ABLIM3: variants seen among roughly 807,000 people sequenced by gnomAD.
ABLIM3 encodes actin binding LIM protein family member 3, also known as actin-binding LIM protein 3.
In ABLIM3, 61 loss-of-function variants were observed where a neutral mutation model predicts 109.5. The observed-to-expected ratio is 0.56, with a 90% CI of 0.45 to 0.69. The LOEUF (loss-of-function observed/expected upper bound fraction) is 0.69. ABLIM3 is among the 30% of genes least tolerant of loss of function. The probability of loss-of-function intolerance (pLI) is 0.00; values close to 1 mark genes in which losing one functional copy is unlikely to be tolerated. For synonymous variants in ABLIM3, 300 were observed against 324.8 expected (o/e 0.92, Z 0.82); for missense variants, 796 against 889.5 (o/e 0.89, Z 1.34).
At chr5:149,239,339 C>T in intron 12 of ABLIM3, 62 bp downstream of exon 12, 1 of 1,555,836 alleles carries the variant, frequency 6.4e-7, no homozygotes, top group Admixed American at 1.7e-5. Context: ...TGGACTTCAC[C>T]CATCCCCAGC....
At chr5:149,255,652 T>C (rs1754362771) in intron 23 of ABLIM3, among the ~76,000 whole-genome samples, 1 of 152,166 alleles carries the variant, frequency 6.6e-6, no homozygotes, top group Non-Finnish European at 1.5e-5. Flanking sequence ...AAGAACTTTC[T>C]GGGCAGAGGG....
chr5:149,186,284 G>C (rs1004631246), intron 3 of ABLIM3, among the ~76,000 whole-genome samples: 5 of 152,044 alleles, frequency 3.3e-5, no homozygotes, highest in Admixed American at 2.0e-4. Context: ...TGTGGTGGCA[G>C]GTGCCTGTAG....
chr5:149,213,240 C>T (rs1404252155), intron 7 of ABLIM3, among the ~76,000 whole-genome samples: 1 of 152,090 alleles, frequency 6.6e-6, no homozygotes, highest in Non-Finnish European at 1.5e-5. Context: ...TCAGGATTTC[C>T]AAGACAGAGG....
At chr5:149,248,534 A>G (rs1012845935) in intron 18 of ABLIM3, among the ~76,000 whole-genome samples, 1 of 152,102 alleles carries the variant, frequency 6.6e-6, no homozygotes, top group Admixed American at 6.5e-5. Flanking sequence ...TACTAAAAAT[A>G]CAGAAAATTA....
intron 8 of ABLIM3, among the ~76,000 whole-genome samples, chr5:149,222,510 C>G (rs1760752333): frequency 6.6e-6 from 1 of 152,088 alleles, no homozygotes; most frequent in African/African-American, 2.4e-5. Context: ...TAGCTTTCAT[C>G]AGATTTTCAG....
chr5:149,142,459 G>A (rs1752558008), intron 2 of ABLIM3, among the ~76,000 whole-genome samples: 1 of 152,176 alleles, frequency 6.6e-6, no homozygotes, highest in South Asian at 2.1e-4. Context: ...GAAAACCATG[G>A]AGGGCCCTGC....
intron 2 of ABLIM3, among the ~76,000 whole-genome samples, chr5:149,159,695 C>T (rs1754160474): frequency 6.6e-6 from 1 of 152,170 alleles, no homozygotes; most frequent in Non-Finnish European, 1.5e-5. Context: ...ATCCTATCAG[C>T]CTTGCTTACC....
rs1433020921 is a variant in ABLIM3, at chr5:149,189,945, A to G, written c.151+6356A>G. 3.3e-5 allele frequency among the ~76,000 whole-genome samples: 5 copies of G among 152,264 alleles called. No individual in the cohort carries two copies. In the East Asian group the frequency reaches 9.6e-4, roughly 29 times the overall value. On this transcript the variant is annotated intron_variant, in intron 3 of 23. Coordinates refer to ENST00000309868, the MANE Select transcript of ABLIM3 (RefSeq NM_014945.5). ...CATAGCAGCATTATTCGTAATAGCC[A>G]AAAAGTAGAAAAACTCAAATCTTCA...
At chr5:149,225,015 G>A (rs2127537137) in intron 8 of ABLIM3, among the ~76,000 whole-genome samples, 1 of 152,268 alleles carries the variant, frequency 6.6e-6, no homozygotes, top group African/African-American at 2.4e-5. Flanking sequence ...TTATTACAGG[G>A]CAGATTCAAC....
intron 23 of ABLIM3, among the ~76,000 whole-genome samples, chr5:149,255,724 G>A (rs1238695683): frequency 1.3e-5 from 2 of 152,206 alleles, no homozygotes; most frequent in African/African-American, 4.8e-5. Context: ...ATAGCAGAAG[G>A]TTAGTGTGTC....
chr5:149,230,812 A>G, intron 9 of ABLIM3, 105 bp downstream of exon 9: 1 of 1,299,102 alleles, frequency 7.7e-7, no homozygotes, highest in South Asian at 1.2e-5. Flanking sequence ...CTTAGTGTGC[A>G]CACTCCCAAA....
intron 11 of ABLIM3, 27 bp downstream of exon 11, chr5:149,237,630 G>T (rs1752348448): frequency 1.2e-6 from 2 of 1,612,632 alleles, no homozygotes; most frequent in Non-Finnish European, 1.7e-6. Flanking sequence ...TTCTCTCTGG[G>T]GCTATTGTAG....
chr5:149,206,864 A>G, intron 5 of ABLIM3, 144 bp from the exon 6 acceptor site: 2 of 1,047,634 alleles, frequency 1.9e-6, no homozygotes, highest in Non-Finnish European at 2.6e-6. Flanking sequence ...CCCCTGGGAG[A>G]GCCTCTGGGA....
At position 149,239,810 on chromosome 5, in the gene ABLIM3, T is replaced by A. The variant is rs746895098; in HGVS notation, c.1126T>A (p.Tyr376Asn). Residue 376 changes from tyrosine (Y) to asparagine (N), a missense_variant, in exon 13 of 24, where the codon TAC (tyrosine) becomes AAC (asparagine). Tyr to Asn is a moderately radical substitution (Grantham distance 143, BLOSUM62 -2). Coordinates refer to ENST00000309868, the MANE Select transcript of ABLIM3 (RefSeq NM_014945.5). The part of the protein sequence containing the change: ...LRQRRASSPG[Y>N]IDSPTYSRQG... Reference sequence around the variant, plus strand: ...GCAGAGACGGGCCTCCAGCCCGGGGTACATAGACTCCCCCACCTACAGCCG... The same window carrying A: ...GCAGAGACGGGCCTCCAGCCCGGGGAACATAGACTCCCCCACCTACAGCCG... The A allele has an allele frequency of 6.2e-7, 1 of 1,609,760 alleles. No individual in the cohort carries two copies. Among genetic ancestry groups the A allele is most frequent in the Non-Finnish European group, 8.5e-7 (1 of 1,178,008 alleles).
intron 7 of ABLIM3, among the ~76,000 whole-genome samples, chr5:149,211,137 G>T (rs1050836658): frequency 6.6e-6 from 1 of 150,970 alleles, no homozygotes; most frequent in African/African-American, 2.4e-5. Flanking sequence ...GAGAAAGGAA[G>T]TCTTTTTTAT....
intron 2 of ABLIM3, among the ~76,000 whole-genome samples, chr5:149,168,541 A>G (rs1755045349): frequency 6.6e-6 from 1 of 152,220 alleles, no homozygotes; most frequent in Admixed American, 6.5e-5. Context: ...GATGGCTTTA[A>G]TAACAGACCA....
In ABLIM3 at chr5:149,252,846, A is replaced by G. The variant is rs750390743; in HGVS notation, c.1938+9A>G. The G allele has an allele frequency of 1.2e-5, 20 of 1,610,296 alleles. No individual in the cohort carries two copies. In the East Asian group the frequency reaches 3.6e-4, roughly 29 times the overall value. On this transcript the variant is annotated intron_variant, in intron 23 of 23. Coordinates refer to ENST00000309868, the MANE Select transcript of ABLIM3 (RefSeq NM_014945.5). ...ACAGGACCCGTTTAGAGGTAAGTCT[A>G]AAAAACTGAGCAGGAGCTCTTGGGT...
At chr5:149,170,998 C>T (rs1474504233) in intron 2 of ABLIM3, among the ~76,000 whole-genome samples, 1 of 152,154 alleles carries the variant, frequency 6.6e-6, no homozygotes, top group Non-Finnish European at 1.5e-5. Flanking sequence ...CTTTCTCTCT[C>T]CTCCCCTTCC....
At chr5:149,186,273 G>A (rs997438479) in intron 3 of ABLIM3, among the ~76,000 whole-genome samples, 12 of 152,126 alleles carry the variant, frequency 7.9e-5, no homozygotes, top group Non-Finnish European at 1.3e-4. Context: ...AATTAGCTGG[G>A]TGTGGTGGCA....
Sources: gnomAD v4.1 joint callset for allele counts (sites outside exome capture counted in the v4.1 genomes callset) on GRCh38, gnomAD v4.1.1 for gene constraint, MANE v1.5 for transcripts, NCBI Gene and HGNC (gene_info 2026-07-23, HGNC 2026-07-21) for gene names.